RPS3: variants seen among roughly 807,000 people sequenced by gnomAD.
The protein encoded by RPS3 is small ribosomal subunit protein uS3.
Under a neutral mutation model 25.8 loss-of-function variants are expected in RPS3, and 2 were observed. That is an observed-to-expected ratio of 0.08 (90% CI 0.03 to 0.24). The LOEUF (loss-of-function observed/expected upper bound fraction) is 0.24, where lower values mean the gene tolerates loss of function less well. RPS3 is among the 10% of genes least tolerant of loss of function. The probability of loss-of-function intolerance (pLI) is 1.00; values close to 1 mark genes in which losing one functional copy is unlikely to be tolerated. For missense variants in RPS3, 107 were observed against 307.1 expected, an observed-to-expected ratio of 0.35 and a Z score of 4.87; for synonymous variants, 114 against 114.2, an observed-to-expected ratio of 1.00 and a Z score of 0.01.
At chr11:75,401,857 C>T (rs1948214562) in intron 3 of RPS3, 124 bp downstream of exon 3, 1 of 654,316 alleles carries the variant, frequency 1.5e-6, no homozygotes, top group Non-Finnish European at 2.8e-6. Flanking sequence ...TTGAAATTCT[C>T]TTAATGAATA....
rs576342102 is a variant in RPS3, at chr11:75,401,808, TTTAA to T, written c.255+78_255+81del. 1.8e-3 allele frequency: 1,504 copies of T among 853,326 alleles called. 3 individuals carry two copies. Among genetic ancestry groups the T allele is most frequent in the Non-Finnish European group, 2.7e-3 (1,363 of 498,084 alleles). The allele number at this position is 853,326 out of a possible 1,614,324, so 52.9% of individuals were successfully genotyped here. A position where few individuals can be genotyped will look rare whatever the true frequency, so the allele number is the denominator to read the frequency against. On this transcript the variant is annotated intron_variant, in intron 3 of 6. Transcript: ENST00000531188. ...TTCTAAAAACTCTCAACTTGGAGAC[TTTAA>T]TTGTTTGTTCATTACAAATGGACTG...
At chr11:75,400,850 C>A in intron 2 of RPS3, 26 bp downstream of exon 2, 3 of 1,599,272 alleles carry the variant, frequency 1.9e-6, no homozygotes, top group Non-Finnish European at 2.6e-6. Context: ...CTGGCCATCA[C>A]CTATAATTGT....
chr11:75,417,130 A>G (rs1014101880), intron 6 of RPS3, among the ~76,000 whole-genome samples: 1 of 152,184 alleles, frequency 6.6e-6, no homozygotes, highest in East Asian at 1.9e-4. Flanking sequence ...TACAAGTTTA[A>G]TCCATACAGT....
downstream of RPS3, among the ~76,000 whole-genome samples, chr11:75,410,402 A>G (rs1397363473): frequency 6.6e-6 from 1 of 151,860 alleles, no homozygotes; most frequent in Non-Finnish European, 1.5e-5. Flanking sequence ...GCGGCCGGGC[A>G]GAGACGCTGC....
chr11:75,416,382 TAATC>T (rs1948398688), intron 6 of RPS3, among the ~76,000 whole-genome samples: 1 of 152,162 alleles, frequency 6.6e-6, no homozygotes, highest in Non-Finnish European at 1.5e-5. Flanking sequence ...GCTGGGCAGA[TAATC>T]AATATTCCCA....
chr11:75,405,611 C>G lies in RPS3; in HGVS notation c.*4-3C>G. On this transcript the variant is annotated splice_polypyrimidine_tract_variant and splice_region_variant and intron_variant, in intron 6 of 6. Transcript: ENST00000531188. Reference sequence around the variant, plus strand: ...CTTACTTTTGTGCTTTATTTGGTTTCAGGGTCTCCTTGGCAGCTGTATTCT... The same window carrying G: ...CTTACTTTTGTGCTTTATTTGGTTTGAGGGTCTCCTTGGCAGCTGTATTCT... 1 of 455,842 alleles carries G rather than the reference C, an allele frequency of 2.2e-6. No individual in the cohort carries two copies. The highest frequency in any genetic ancestry group is 1.5e-5 in the South Asian group (1 of 64,530). The allele number at this position is 455,842 out of a possible 1,614,324, so 28.2% of individuals were successfully genotyped here. A position where few individuals can be genotyped will look rare whatever the true frequency, so the allele number is the denominator to read the frequency against.
At chr11:75,416,955 A>G (rs1289774149) in intron 6 of RPS3, among the ~76,000 whole-genome samples, 7 of 152,028 alleles carry the variant, frequency 4.6e-5, no homozygotes, top group Non-Finnish European at 1.5e-5. Context: ...TTTTTTCCTT[A>G]TAACACCCAG....
chr11:75,402,126 G>A (rs955243667), intron 3 of RPS3: 10 of 603,470 alleles, frequency 1.7e-5, no homozygotes, highest in Middle Eastern at 3.8e-4. Context: ...CGTAGGCTAC[G>A]TTGGAAGAAG....
chr11:75,403,116 A>G (rs992329933), intron 4 of RPS3: 1 of 152,208 alleles, frequency 6.6e-6, no homozygotes, highest in Non-Finnish European at 1.5e-5. Flanking sequence ...GCTGTGCTGT[A>G]GGAAGGTTGA....
At chr11:75,417,656 A>G (rs2135071951) in intron 6 of RPS3, among the ~76,000 whole-genome samples, 1 of 152,328 alleles carries the variant, frequency 6.6e-6, no homozygotes, top group Middle Eastern at 3.4e-3. Flanking sequence ...AGTCTCAGCT[A>G]CTGGGAGGCT....
chr11:75,421,799 A>G (rs1187859578), exon 7 of RPS3: 3 of 152,246 alleles, frequency 2.0e-5, no homozygotes, highest in Non-Finnish European at 4.4e-5. Flanking sequence ...CTCAAATTTA[A>G]GGACAGTAAC....
intron 4 of RPS3, 112 bp from the exon 5 acceptor site, chr11:75,403,908 G>A: frequency 9.8e-7 from 1 of 1,021,698 alleles, no homozygotes; most frequent in South Asian, 1.6e-5. Flanking sequence ...CCGGACTCTG[G>A]TCAAATTATT....
At chr11:75,414,437 C>T (rs1948380789) in intron 6 of RPS3, among the ~76,000 whole-genome samples, 1 of 152,138 alleles carries the variant, frequency 6.6e-6, no homozygotes, top group Non-Finnish European at 1.5e-5. Context: ...CGGTGAAACC[C>T]TGTCTCTACT....
At chr11:75,403,927 A>G (rs940378438) in intron 4 of RPS3, 93 bp from the exon 5 acceptor site, 3 of 1,225,646 alleles carry the variant, frequency 2.4e-6, no homozygotes, top group African/African-American at 3.0e-5. Flanking sequence ...TTCTCCATTA[A>G]AGGAACATTG....
At chr11:75,405,251 G>A (rs558872000) in intron 6 of RPS3, 41 of 188,100 alleles carry the variant, frequency 2.2e-4, no homozygotes, top group Admixed American at 7.4e-4. Flanking sequence ...TAATTTTTGT[G>A]TTTTTAGTAG....
At chr11:75,402,197 G>T in intron 3 of RPS3, 155 bp from the exon 4 acceptor site, 1 of 1,065,546 alleles carries the variant, frequency 9.4e-7, no homozygotes, top group Non-Finnish European at 1.4e-6. Context: ...AATTTGTGTT[G>T]GGCCACAATC....
chr11:75,419,358 A>G (rs1948425492), intron 6 of RPS3, among the ~76,000 whole-genome samples: 1 of 152,034 alleles, frequency 6.6e-6, no homozygotes, highest in South Asian at 2.1e-4. Flanking sequence ...GTTTGAGACT[A>G]GCCTGACCAA....
intron 6 of RPS3, among the ~76,000 whole-genome samples, chr11:75,413,247 A>T (rs1948371650): frequency 2.0e-5 from 2 of 101,032 alleles, no homozygotes; most frequent in South Asian, 2.7e-4. Flanking sequence ...ATATATATAT[A>T]TATTTTTTTT....
chr11:75,414,987 C>T (rs962446984), intron 6 of RPS3, among the ~76,000 whole-genome samples: 20 of 152,330 alleles, frequency 1.3e-4, no homozygotes, highest in African/African-American at 4.3e-4. Context: ...TCTGTGACCT[C>T]ACACCACCAA....
Sources: allele counts gnomAD v4.1 joint callset (sites outside exome capture counted in the v4.1 genomes callset), GRCh38; gene constraint gnomAD v4.1.1; transcripts MANE v1.5; gene names NCBI Gene and HGNC (gene_info 2026-07-23, HGNC 2026-07-21).